ARHGEF28: variants seen among roughly 807,000 people sequenced by gnomAD.
The protein encoded by ARHGEF28 is Rho guanine nucleotide exchange factor 28.
In ARHGEF28, 152 loss-of-function variants were observed where a neutral mutation model predicts 206.6. The observed-to-expected ratio is 0.74, with a 90% CI of 0.64 to 0.84. The LOEUF is 0.84. Among genes scored for constraint, ARHGEF28 ranks in the 40% least tolerant of loss-of-function variants. The probability of loss-of-function intolerance (pLI) is 0.00; values close to 1 mark genes in which losing one functional copy is unlikely to be tolerated. For missense variants in ARHGEF28, 2,028 were observed against 2,073.2 expected (o/e 0.98, Z 0.42); for synonymous variants, 763 against 776.4 (o/e 0.98, Z 0.29).
chr5:73,873,818 A>G (rs1760264757), intron 22 of ARHGEF28, among the ~76,000 whole-genome samples: 1 of 152,212 alleles, frequency 6.6e-6, no homozygotes. Context: ...TCTTATAAAT[A>G]AAGCTGCTAT....
Position 73,651,149 on chromosome 5 carries a change from G to T in ARHGEF28, c.-12+24827G>T, listed in dbSNP as rs576036226. 7.2e-5 allele frequency among the ~76,000 whole-genome samples: 11 copies of T among 152,298 alleles called. No individual in the cohort carries two copies. The East Asian group carries it at 2.1e-3, about 29-fold the overall frequency. ...TATGTGGGGTTTTAACAGTCACTGGGTTTGGTTGAGCCTAAGAAGAAGGGA... is the reference window on the plus strand; with the variant it reads ...TATGTGGGGTTTTAACAGTCACTGGTTTTGGTTGAGCCTAAGAAGAAGGGA... On this transcript the variant is annotated intron_variant, in intron 1 of 35. Transcript: ENST00000513042.
intron 35 of ARHGEF28, among the ~76,000 whole-genome samples, chr5:73,938,160 C>CTA (rs577912637): frequency 2.1e-5 from 3 of 139,548 alleles, no homozygotes; most frequent in African/African-American, 7.9e-5. Context: ...CTACACTACA[C>CTA]CACACACACA....
chr5:73,895,622 G>A (rs1157844824), intron 29 of ARHGEF28, among the ~76,000 whole-genome samples: 1 of 152,186 alleles, frequency 6.6e-6, no homozygotes, highest in African/African-American at 2.4e-5. Context: ...CTGTTGTACA[G>A]AAGAAGGGCT....
chr5:73,717,999 C>T (rs927178322), intron 2 of ARHGEF28, among the ~76,000 whole-genome samples: 4 of 152,126 alleles, frequency 2.6e-5, no homozygotes, highest in Non-Finnish European at 4.4e-5. Context: ...CTGCCTCAGC[C>T]TCCCAAGTAG....
At position 73,891,999 on chromosome 5, in the gene ARHGEF28, C is replaced by T. The variant is rs535712792; in HGVS notation, c.3388-53C>T. On this transcript the variant is annotated intron_variant, in intron 26 of 35. Coordinates refer to ENST00000513042, the MANE Select transcript of ARHGEF28 (RefSeq NM_001177693.2). The stretch of plus-strand genomic sequence containing the variant: ...TTCCTTTAGCTCATGTTTTACGGAG[C>T]CTTACTTTAGCTAGGATGCTGTTTC... 7 of 1,512,014 alleles carry T rather than the reference C, an allele frequency of 4.6e-6. No homozygotes were observed. In the East Asian group the frequency reaches 1.2e-4, roughly 25 times the overall value. The allele number at this position is 1,512,014 out of a possible 1,614,324, so 93.7% of individuals were successfully genotyped here.
intron 14 of ARHGEF28, 70 bp from the exon 15 acceptor site, chr5:73,857,586 C>T: frequency 5.8e-6 from 8 of 1,376,362 alleles, no homozygotes; most frequent in Non-Finnish European, 6.9e-6. Context: ...CACACACACA[C>T]ATACACACAC....
At chr5:73,792,441 A>G (rs1228569002) in intron 7 of ARHGEF28, among the ~76,000 whole-genome samples, 1 of 152,226 alleles carries the variant, frequency 6.6e-6, no homozygotes, top group East Asian at 1.9e-4. Context: ...AGCAATCTGG[A>G]TAAAATGTGT....
chr5:73,626,630 T>C (rs2112104548), intron 1 of ARHGEF28, among the ~76,000 whole-genome samples: 1 of 152,256 alleles, frequency 6.6e-6, no homozygotes, highest in South Asian at 2.1e-4. Context: ...GCCCCGCCAG[T>C]GTCCTTCGGG....
chr5:73,863,185 G>A (rs1171702134), intron 16 of ARHGEF28: 3 of 151,904 alleles, frequency 2.0e-5, no homozygotes, highest in African/African-American at 7.3e-5. Flanking sequence ...TTAATCATAT[G>A]GATATTATGA....
intron 35 of ARHGEF28, among the ~76,000 whole-genome samples, chr5:73,921,080 G>T (rs1763498997): frequency 1.3e-5 from 2 of 152,098 alleles, no homozygotes; most frequent in Admixed American, 1.3e-4. Context: ...ACAGTTCAGT[G>T]CATCTCCCCA....
intron 1 of ARHGEF28, among the ~76,000 whole-genome samples, chr5:73,636,882 A>G (rs1202705896): frequency 6.6e-6 from 1 of 152,164 alleles, no homozygotes; most frequent in Non-Finnish European, 1.5e-5. Flanking sequence ...CATTACGAGC[A>G]TCACGCTTGG....
intron 35 of ARHGEF28, among the ~76,000 whole-genome samples, chr5:73,913,088 CAG>C (rs1762994034): frequency 6.6e-6 from 1 of 152,180 alleles, no homozygotes; most frequent in African/African-American, 2.4e-5. Context: ...AGGAAATAAA[CAG>C]TGATTATATA....
intron 1 of ARHGEF28, among the ~76,000 whole-genome samples, chr5:73,669,239 G>A (rs1746157591): frequency 6.6e-6 from 1 of 152,124 alleles, no homozygotes; most frequent in Non-Finnish European, 1.5e-5. Flanking sequence ...AATGTTTTCA[G>A]TAGTAGCAAA....
chr5:73,852,007 T>G (rs750437025), intron 13 of ARHGEF28, among the ~76,000 whole-genome samples: 3 of 152,116 alleles, frequency 2.0e-5, no homozygotes, highest in Non-Finnish European at 2.9e-5. Flanking sequence ...TCTCTCACTG[T>G]CTAAATCAGT....
chr5:73,808,014 G>C (rs1755616530), intron 9 of ARHGEF28, among the ~76,000 whole-genome samples: 1 of 152,076 alleles, frequency 6.6e-6, no homozygotes, highest in Middle Eastern at 3.4e-3. Flanking sequence ...AGAGAATAGG[G>C]GATGTAAAGA....
chr5:73,699,287 A>G (rs1748434455), intron 2 of ARHGEF28, among the ~76,000 whole-genome samples: 1 of 151,692 alleles, frequency 6.6e-6, no homozygotes. Context: ...TTTGAGGTGC[A>G]TGGCTAGCAA....
chr5:73,751,551 A>G (rs1752019441), intron 3 of ARHGEF28, among the ~76,000 whole-genome samples: 2 of 152,066 alleles, frequency 1.3e-5, no homozygotes, highest in South Asian at 4.1e-4. Flanking sequence ...TTTCTCCTTT[A>G]TCAAGCCCTT....
chr5:73,828,315 T>C (rs955556952), intron 9 of ARHGEF28, among the ~76,000 whole-genome samples: 1 of 152,246 alleles, frequency 6.6e-6, no homozygotes, highest in Non-Finnish European at 1.5e-5. Flanking sequence ...CTGTGTTCAC[T>C]TCTAGATCCT....
chr5:73,733,866 T>C (rs1007058883), intron 2 of ARHGEF28, among the ~76,000 whole-genome samples: 1 of 152,156 alleles, frequency 6.6e-6, no homozygotes, highest in Non-Finnish European at 1.5e-5. Context: ...TGGCATTTGC[T>C]TGGTTTCTGG....
Sources: allele counts gnomAD v4.1 joint callset (sites outside exome capture counted in the v4.1 genomes callset), GRCh38; gene constraint gnomAD v4.1.1; transcripts MANE v1.5; gene names NCBI Gene and HGNC (gene_info 2026-07-23, HGNC 2026-07-21).